Variants in ECE1 observed in about 807,000 individuals in gnomAD.
ECE1 encodes the protein endothelin-converting enzyme 1.
ECE1 carries 35 observed loss-of-function variants against 98.6 expected under a neutral mutation model. The ratio of observed to expected loss-of-function variants is 0.35; its 90% confidence interval spans 0.27 to 0.47. The LOEUF is 0.47. ECE1 is among the 20% of genes least tolerant of loss of function. ECE1 has a pLI of 1.00. For synonymous variants in ECE1, 394 were observed against 407.1 expected, an observed-to-expected ratio of 0.97 and a Z score of 0.39; for missense variants, 814 against 1,025.3, an observed-to-expected ratio of 0.79 and a Z score of 2.81.
intron 8 of ECE1, among the ~76,000 whole-genome samples, chr1:21,252,194 G>A (rs781287610): frequency 6.6e-6 from 1 of 152,226 alleles, no homozygotes; most frequent in Admixed American, 6.5e-5. Flanking sequence ...TGGCCCTTTA[G>A]GGAAAGCAGG....
At chr1:21,342,438 C>T (rs183956738) in intron 1 of ECE1, among the ~76,000 whole-genome samples, 57 of 152,216 alleles carry the variant, frequency 3.7e-4, no homozygotes, top group African/African-American at 1.0e-3. Context: ...CCTCGGCCCA[C>T]GGCTTGCACT....
intron 10 of ECE1, among the ~76,000 whole-genome samples, chr1:21,241,803 G>A (rs1374543220): frequency 1.3e-5 from 2 of 152,076 alleles, no homozygotes; most frequent in East Asian, 3.9e-4. Flanking sequence ...TACAGGTCAC[G>A]AAGTCCTGGA....
chr1:21,225,467 C>T lies in ECE1; in HGVS notation c.1850-27G>A. On this transcript the variant is annotated intron_variant, in intron 16 of 18. Transcript: ENST00000374893. The surrounding 1 kb of genome is among the most constrained non-coding windows in gnomAD (Gnocchi z 5.3). Reference sequence around the variant, plus strand: ...TGTGGGTCAGAGGGAGGCGTCATGTCAAGGGAGGGAGGGGCACAGCAGGGA... The same window carrying T: ...TGTGGGTCAGAGGGAGGCGTCATGTTAAGGGAGGGAGGGGCACAGCAGGGA... 1 of 1,611,756 alleles carries T rather than the reference C, an allele frequency of 6.2e-7. No individual in the cohort carries two copies. Among genetic ancestry groups the T allele is most frequent in the Non-Finnish European group, 8.5e-7 (1 of 1,179,094 alleles).
intron 3 of ECE1, among the ~76,000 whole-genome samples, 192 bp downstream of exon 3, chr1:21,278,999 G>A (rs28367941): frequency 6.6e-6 from 1 of 152,272 alleles, no homozygotes; most frequent in Non-Finnish European, 1.5e-5. Flanking sequence ...TCAAGTGCGA[G>A]ACCTTTATAT....
rs745957937 is a variant in ECE1, at chr1:21,290,223, C to A, written c.52-67G>T. The A allele has an allele frequency of 1.4e-6, 2 of 1,430,146 alleles. No homozygotes were observed. The highest frequency in any genetic ancestry group is 1.8e-6 in the Non-Finnish European group (2 of 1,086,280). The allele number at this position is 1,430,146 out of a possible 1,614,324, so 88.6% of individuals were successfully genotyped here. Reference sequence around the variant, plus strand: ...TGGCTCTCGCGCCCGAATGGGGAAGCGGCCCCGACCCTGGCGCCGCCGCCG... The same window carrying A: ...TGGCTCTCGCGCCCGAATGGGGAAGAGGCCCCGACCCTGGCGCCGCCGCCG... On this transcript the variant is annotated intron_variant, in intron 1 of 18. Coordinates refer to ENST00000374893, the MANE Select transcript of ECE1 (RefSeq NM_001397.3). This position sits in a 1 kb window ranked among gnomAD's most constrained non-coding sequence, Gnocchi z 7.3.
At chr1:21,297,530 C>CTTTTTTTTTTTTTT (rs768958507) in intron 1 of ECE1, among the ~76,000 whole-genome samples, 2 of 116,190 alleles carry the variant, frequency 1.7e-5, no homozygotes, top group Non-Finnish European at 3.5e-5. Context: ...TTTTCTTTTT[C>CTTTTTTTTTTTTTT]TTTTTTTTTT....
rs2098265249 is a variant in ECE1, at chr1:21,290,241, C to A, written c.52-85G>T. The A allele has an allele frequency of 1.4e-6, 2 of 1,380,562 alleles. No homozygotes were observed. Among genetic ancestry groups the A allele is most frequent in the South Asian group, 3.2e-5 (2 of 61,602 alleles). 85.5% of individuals were successfully genotyped at this position (1,380,562 alleles called of 1,614,324 possible). On this transcript the variant is annotated intron_variant, in intron 1 of 18. Transcript: ENST00000374893. The surrounding 1 kb of genome is among the most constrained non-coding windows in gnomAD (Gnocchi z 7.3). The stretch of plus-strand genomic sequence containing the variant: ...GGGGAAGCGGCCCCGACCCTGGCGC[C>A]GCCGCCGCCGCGCCCCGCCCCGGCC...
In ECE1 at chr1:21,236,886, T is replaced by C. The variant is rs767427922; in HGVS notation, c.1390-42A>G. 1.9e-6 allele frequency: 3 copies of C among 1,565,628 alleles called. No individual in the cohort carries two copies. In the Admixed American group the frequency reaches 5.0e-5, roughly 26 times the overall value. The stretch of plus-strand genomic sequence containing the variant: ...CACAGCAGTAAGGTCTGCGCACTGG[T>C]CTCAGGTAAATGCAACAGGCACCCC... On this transcript the variant is annotated intron_variant, in intron 11 of 18. Coordinates refer to ENST00000374893, the MANE Select transcript of ECE1 (RefSeq NM_001397.3).
At chr1:21,264,505 G>C (rs1445023598) in intron 4 of ECE1, among the ~76,000 whole-genome samples, 1 of 152,128 alleles carries the variant, frequency 6.6e-6, no homozygotes, top group Non-Finnish European at 1.5e-5. Context: ...AGTAGAGACA[G>C]GGTTTCACTG....
intron 4 of ECE1, among the ~76,000 whole-genome samples, chr1:21,272,422 G>A (rs1167094335): frequency 6.6e-6 from 1 of 152,244 alleles, no homozygotes; most frequent in African/African-American, 2.4e-5. Context: ...CTCCCGAGTA[G>A]TTGGGACTAC....
intron 1 of ECE1, among the ~76,000 whole-genome samples, chr1:21,344,726 C>G (rs1456413176): frequency 6.6e-6 from 1 of 152,194 alleles, no homozygotes; most frequent in Non-Finnish European, 1.5e-5. Context: ...CTCTGAGGAC[C>G]CATCACCGGG....
chr1:21,330,818 C>G (rs997458952), intron 1 of ECE1, among the ~76,000 whole-genome samples: 21 of 152,216 alleles, frequency 1.4e-4, no homozygotes, highest in Non-Finnish European at 2.5e-4. Context: ...CCGCTCACCC[C>G]TGAGCTGATG....
At chr1:21,264,055 GGA>G (rs578225919) in intron 4 of ECE1, among the ~76,000 whole-genome samples, 87 of 152,316 alleles carry the variant, frequency 5.7e-4, no homozygotes, top group Non-Finnish European at 1.1e-3. Flanking sequence ...ATGAGAGAAA[GGA>G]GAGTCAAGAA....
At chr1:21,228,108 G>C in intron 14 of ECE1, 67 bp from the exon 15 acceptor site, 1 of 1,300,636 alleles carries the variant, frequency 7.7e-7, no homozygotes, top group Non-Finnish European at 1.1e-6. Flanking sequence ...AGCCTGCCTG[G>C]AGCGCTGCTT....
chr1:21,326,455 T>G, intron 1 of ECE1, among the ~76,000 whole-genome samples: 1 of 150,268 alleles, frequency 6.7e-6, no homozygotes, highest in Non-Finnish European at 1.5e-5. Context: ...GGTCTAAGGG[T>G]GAAGAAGGGG....
Position 21,345,291 on chromosome 1 carries a change from G to A in ECE1, c.3+85C>T, listed in dbSNP as rs1639476674. 5 of 1,296,814 alleles carry A rather than the reference G, an allele frequency of 3.9e-6. No homozygotes were observed. Among genetic ancestry groups the A allele is most frequent in the South Asian group, 4.1e-5 (2 of 48,746 alleles). The allele number at this position is 1,296,814 out of a possible 1,614,324, so 80.3% of individuals were successfully genotyped here. On this transcript the variant is annotated intron_variant, in intron 1 of 18. Transcript: ENST00000415912. This position sits in a 1 kb window ranked among gnomAD's most constrained non-coding sequence, Gnocchi z 5.1. Reference sequence around the variant, plus strand: ...CGCCCAGCCCCCCGCGAGCCAGGGCGGCCCCGGGTGCCACCCGCGGCACCG... The same window carrying A: ...CGCCCAGCCCCCCGCGAGCCAGGGCAGCCCCGGGTGCCACCCGCGGCACCG...
At chr1:21,269,952 C>A (rs554123532) in intron 4 of ECE1, among the ~76,000 whole-genome samples, 23 of 152,286 alleles carry the variant, frequency 1.5e-4, no homozygotes, top group South Asian at 1.5e-3. Flanking sequence ...AGCTCCCCAC[C>A]CACGGCTTGA....
rs981368069 is a variant in ECE1 at position 21,345,489 on chromosome 1, C to A, written c.-111G>T. 5 of 1,043,168 alleles carry A rather than the reference C, an allele frequency of 4.8e-6. No individual in the cohort carries two copies. The South Asian group carries it at 1.8e-4, about 37-fold the overall frequency. The allele number at this position is 1,043,168 out of a possible 1,614,324, so 64.6% of individuals were successfully genotyped here. On this transcript the variant is annotated 5_prime_UTR_variant, in exon 1 of 19. Coordinates refer to the ECE1 transcript ENST00000415912. The surrounding 1 kb of genome is among the most constrained non-coding windows in gnomAD (Gnocchi z 5.1). ...CTGCTCGGACGGCTCGGCTGCCTGG[C>A]CCAGGCGGCGCGCTCAGCTCCAGCG...
chr1:21,236,604 G>A, intron 12 of ECE1, 142 bp downstream of exon 12: 4 of 800,118 alleles, frequency 5.0e-6, no homozygotes, highest in Admixed American at 2.0e-5. Flanking sequence ...AGCCAAGATC[G>A]CACCATAGCA....
Sources: gnomAD v4.1 joint callset for allele counts (sites outside exome capture counted in the v4.1 genomes callset) on GRCh38, gnomAD v4.1.1 for gene constraint, Gnocchi (gnomAD v3.1) non-coding constraint, MANE v1.5 for transcripts, NCBI Gene and HGNC (gene_info 2026-07-23, HGNC 2026-07-21) for gene names.